The following SNX25 variants were observed in gnomAD, a reference collection of about 807,000 sequenced individuals.
SNX25 encodes the protein sorting nexin 25.
In SNX25, 62 loss-of-function variants were observed where a neutral mutation model predicts 113.7. That is an observed-to-expected ratio of 0.55 (90% CI 0.44 to 0.67). SNX25 has a LOEUF of 0.67. Among genes scored for constraint, SNX25 ranks in the 30% least tolerant of loss-of-function variants. The pLI is 0.00. For missense variants in SNX25, 1,014 were observed against 1,161.0 expected, an observed-to-expected ratio of 0.87 and a Z score of 1.84; for synonymous variants, 421 against 436.2, an observed-to-expected ratio of 0.97 and a Z score of 0.43.
intron 13 of SNX25, among the ~76,000 whole-genome samples, chr4:185,347,246 T>C (rs532468904): frequency 6.6e-6 from 1 of 152,366 alleles, no homozygotes; most frequent in African/African-American, 2.4e-5. Flanking sequence ...TACTTGTCTT[T>C]TGACAAATAT....
chr4:185,309,588 T>C (rs1442770782), intron 6 of SNX25, among the ~76,000 whole-genome samples: 1 of 152,102 alleles, frequency 6.6e-6, no homozygotes, highest in African/African-American at 2.4e-5. Flanking sequence ...GGAGCCATAT[T>C]TGATACCTTT....
Position 185,232,269 on chromosome 4 carries a change from C to G in SNX25, c.430-15025C>G, listed in dbSNP as rs1741984535. On this transcript the variant is annotated intron_variant, in intron 1 of 18. Coordinates refer to ENST00000652585, the MANE Select transcript of SNX25 (RefSeq NM_001378034.2). This position sits in a 1 kb window ranked among gnomAD's most constrained non-coding sequence, Gnocchi z 4.4. ...CTCCTAGCACACAAGTCCCCTTGCC[C>G]AGTTCCTCATTGGTCTAGTACTACG... Among the ~76,000 whole-genome samples the G allele has an allele frequency of 6.6e-6, 1 of 152,146 alleles. No homozygotes were observed. The highest frequency in any genetic ancestry group is 6.5e-5 in the Admixed American group (1 of 15,276).
In SNX25 at chr4:185,310,759, C is replaced by T. The variant is rs745553665; in HGVS notation, c.1287C>T (p.Ala429=). 1.1e-5 allele frequency: 17 copies of T among 1,613,640 alleles called. No homozygotes were observed. The African/African-American group carries it at 1.6e-4, about 15-fold the overall frequency. ...GAATCCGAATCCTGGGAGGCCCTGC[C>T]TATGACCAGCAAGAGGATGGGGCCC... is the stretch of plus-strand genomic sequence containing the variant. The part of the protein sequence containing the change: ...EKRIRILGGP[A]YDQQEDGALD... The change falls in exon 7 of 19, where the codon GCC becomes GCT. Residue 429 remains alanine (A), a synonymous_variant. Transcript: ENST00000652585.
intron 1 of SNX25, among the ~76,000 whole-genome samples, chr4:185,217,996 A>G (rs528786644): frequency 1.1e-4 from 17 of 152,298 alleles, no homozygotes; most frequent in African/African-American, 4.1e-4. Context: ...GATGACAGGT[A>G]GGTAGGCAGC....
intron 5 of SNX25, among the ~76,000 whole-genome samples, chr4:185,282,918 C>T (rs188357280): frequency 1.3e-5 from 2 of 152,228 alleles, no homozygotes; most frequent in Admixed American, 1.3e-4. Context: ...TCTGGAAGCC[C>T]GTGTCCCCGT....
chr4:185,217,208 G>A (rs1295093898), intron 1 of SNX25, among the ~76,000 whole-genome samples: 1 of 151,538 alleles, frequency 6.6e-6, no homozygotes, highest in Non-Finnish European at 1.5e-5. Context: ...AGCCAAGGTC[G>A]CACCACTGCA....
At chr4:185,289,173 T>A (rs2126612831) in intron 6 of SNX25, among the ~76,000 whole-genome samples, 1 of 152,346 alleles carries the variant, frequency 6.6e-6, no homozygotes, top group South Asian at 2.1e-4. Context: ...CAGCAGTGTT[T>A]ACTGAGCACC....
chr4:185,251,186 T>C (rs1057491250), intron 2 of SNX25, among the ~76,000 whole-genome samples: 1 of 151,978 alleles, frequency 6.6e-6, no homozygotes. Context: ...GTAGAGACAG[T>C]GTTTCACCAT....
chr4:185,279,972 G>A (rs1477175234), intron 5 of SNX25, among the ~76,000 whole-genome samples: 1 of 152,096 alleles, frequency 6.6e-6, no homozygotes, highest in Admixed American at 6.5e-5. Context: ...CCAGGCTGGA[G>A]TGCAGTGGCG....
rs2095373213 is a variant in SNX25 at position 185,363,032 on chromosome 4, G to A, written c.2934+321G>A. 6.6e-6 allele frequency among the ~76,000 whole-genome samples: 1 copy of A among 151,890 alleles called. No individual in the cohort carries two copies. The highest frequency in any genetic ancestry group is 6.6e-5 in the Admixed American group (1 of 15,240). ...TAACTTTTGTATTTTTAGTAGAGAT[G>A]GGGTTTCGCCATGTTGGCTGGGATG... On this transcript the variant is annotated intron_variant, in intron 18 of 18. Coordinates refer to ENST00000652585, the MANE Select transcript of SNX25 (RefSeq NM_001378034.2). The surrounding 1 kb of genome is among the most constrained non-coding windows in gnomAD (Gnocchi z 4.2).
At chr4:185,349,303 C>T (rs2095304156) in intron 13 of SNX25, among the ~76,000 whole-genome samples, 1 of 152,230 alleles carries the variant, frequency 6.6e-6, no homozygotes, top group Non-Finnish European at 1.5e-5. Flanking sequence ...TTTTCTCTAT[C>T]CAGTCATCTG....
chr4:185,279,862 T>C (rs552424387), intron 5 of SNX25, among the ~76,000 whole-genome samples: 1 of 152,294 alleles, frequency 6.6e-6, no homozygotes, highest in East Asian at 1.9e-4. Context: ...TCTCCAAGAA[T>C]GTTGCTTGTA....
intron 2 of SNX25, among the ~76,000 whole-genome samples, chr4:185,253,555 C>T (rs1318714573): frequency 6.6e-6 from 1 of 151,860 alleles, no homozygotes; most frequent in Non-Finnish European, 1.5e-5. Flanking sequence ...GTAACCTCCG[C>T]CTCCTGGGTT....
At chr4:185,353,425 C>A in intron 14 of SNX25, 60 bp from the exon 15 acceptor site, 1 of 1,318,714 alleles carries the variant, frequency 7.6e-7, no homozygotes, top group African/African-American at 1.4e-5. Context: ...AGAGGGAGAA[C>A]AACTCTACCA....
At chr4:185,325,664 C>G (rs1485936314) in intron 9 of SNX25, among the ~76,000 whole-genome samples, 1 of 151,538 alleles carries the variant, frequency 6.6e-6, no homozygotes, top group African/African-American at 2.4e-5. Flanking sequence ...TTTGATGAAA[C>G]TTTGTTCTGC....
At chr4:185,240,903 C>T (rs1202794238) in intron 1 of SNX25, among the ~76,000 whole-genome samples, 1 of 150,634 alleles carries the variant, frequency 6.6e-6, no homozygotes, top group South Asian at 2.1e-4. Context: ...GAGGCGCTCC[C>T]CACATCTCAG....
At chr4:185,314,264 G>A (rs541601991) in intron 7 of SNX25, among the ~76,000 whole-genome samples, 7 of 148,380 alleles carry the variant, frequency 4.7e-5, no homozygotes, top group Non-Finnish European at 1.0e-4. Context: ...AAAGACAGGA[G>A]GATCGCTTGA....
At chr4:185,303,016 G>A (rs928306334) in intron 6 of SNX25, among the ~76,000 whole-genome samples, 9 of 152,262 alleles carry the variant, frequency 5.9e-5, no homozygotes, top group African/African-American at 2.2e-4. Context: ...TTTAGTCCTC[G>A]TAGACTCTAA....
intron 10 of SNX25, among the ~76,000 whole-genome samples, chr4:185,333,824 G>A (rs899847567): frequency 3.3e-5 from 5 of 151,848 alleles, no homozygotes; most frequent in Non-Finnish European, 5.9e-5. Flanking sequence ...TGGGTGGATC[G>A]CTTGAGCCCA....
Sources: gnomAD v4.1 joint callset for allele counts (sites outside exome capture counted in the v4.1 genomes callset) on GRCh38, gnomAD v4.1.1 for gene constraint, Gnocchi (gnomAD v3.1) non-coding constraint, MANE v1.5 for transcripts, NCBI Gene and HGNC (gene_info 2026-07-23, HGNC 2026-07-21) for gene names.